The following DNAH8 variants were observed in gnomAD, a reference collection of about 807,000 sequenced individuals.
DNAH8 encodes the protein dynein axonemal heavy chain 8.
A neutral mutation model predicts 562.1 loss-of-function variants in DNAH8; 382 were observed. The observed-to-expected ratio is 0.68, with a 90% CI of 0.63 to 0.74. DNAH8 has a LOEUF of 0.74. DNAH8 is among the 30% of genes least tolerant of loss of function. The pLI is 0.00. For missense variants in DNAH8, 5,203 were observed against 5,620.4 expected (o/e 0.93, Z 2.37); for synonymous variants, 1,881 against 1,919.4 (o/e 0.98, Z 0.52).
At chr6:38,902,466 C>CCTAATTCTG (rs1780141809) in intron 62 of DNAH8, among the ~76,000 whole-genome samples, 2 of 152,166 alleles carry the variant, frequency 1.3e-5, no homozygotes, top group Admixed American at 6.5e-5. Context: ...ACTAGCAAAT[C>CCTAATTCTG]CTAATTCTGC....
At chr6:38,776,673 A>G (rs886201422) in intron 13 of DNAH8, among the ~76,000 whole-genome samples, 1 of 152,216 alleles carries the variant, frequency 6.6e-6, no homozygotes, top group Non-Finnish European at 1.5e-5. Context: ...TTATGCCTGC[A>G]TTCTCTCTGC....
chr6:38,848,744 T>C lies in DNAH8; in HGVS notation c.5142T>C (p.Leu1714=). The part of the protein sequence containing the change: ...IIEEWLVVQN[L]WVYLEAVFVG... ...AAGAGTGGCTCGTAGTACAGAACCT[T>C]TGGGTTTATCTTGAAGCCGTCTTTG... Residue 1714 remains leucine (L), a synonymous_variant, in exon 37 of 93, where the codon CTT becomes CTC. Transcript: ENST00000327475. The C allele has an allele frequency of 6.2e-7, 1 of 1,613,436 alleles. No individual in the cohort carries two copies. The highest frequency in any genetic ancestry group is 8.5e-7 in the Non-Finnish European group (1 of 1,179,546).
intron 29 of DNAH8, among the ~76,000 whole-genome samples, chr6:38,826,687 G>A (rs1773355798): frequency 6.6e-6 from 1 of 152,146 alleles, no homozygotes; most frequent in African/African-American, 2.4e-5. Context: ...AGAAATAATT[G>A]TCCCTTGTCA....
At chr6:38,759,343 C>T (rs1014075063) in intron 10 of DNAH8, among the ~76,000 whole-genome samples, 3 of 145,552 alleles carry the variant, frequency 2.1e-5, no homozygotes, top group African/African-American at 7.8e-5. Context: ...ACAAACAAAC[C>T]ACCACCAACG....
chr6:38,989,127 G>C (rs562796177), intron 87 of DNAH8, among the ~76,000 whole-genome samples: 6 of 152,226 alleles, frequency 3.9e-5, no homozygotes, highest in South Asian at 4.1e-4. Context: ...GGAGGAAGGA[G>C]ATGGAGGGAA....
At chr6:38,955,400 G>A (rs934038498) in intron 82 of DNAH8, among the ~76,000 whole-genome samples, 3 of 152,146 alleles carry the variant, frequency 2.0e-5, no homozygotes, top group Admixed American at 1.3e-4. Context: ...GGAGGCCGAG[G>A]TGGGTGGATC....
At chr6:38,830,584 G>A (rs1055147351) in intron 30 of DNAH8, among the ~76,000 whole-genome samples, 2 of 142,410 alleles carry the variant, frequency 1.4e-5, no homozygotes, top group Middle Eastern at 4.1e-3. Flanking sequence ...CCAGTGAGCC[G>A]AGATCGCGCC....
At chr6:38,716,363 A>G (rs1762346353) in intron 1 of DNAH8, among the ~76,000 whole-genome samples, 1 of 152,068 alleles carries the variant, frequency 6.6e-6, no homozygotes, top group South Asian at 2.1e-4. Flanking sequence ...CCTCTAGCCC[A>G]AAAGTCTCAT....
intron 11 of DNAH8, chr6:38,763,249 C>T (rs554331814): frequency 5.1e-4 from 128 of 251,242 alleles, no homozygotes; most frequent in African/African-American, 2.7e-3. Context: ...GTGTTTTTCC[C>T]ACTATTCGAA....
In DNAH8 at chr6:38,853,282, G is replaced by C; in HGVS notation, c.5668G>C (p.Ala1890Pro). ...MSSLHNIIRS[A>P]FYQISDSGFQ... ...ATCATTACATAATATAATTAGATCC[G>C]CTTTCTATCAAATCAGTGATTCAGG... Residue 1890 changes from alanine to proline, a missense_variant, in exon 41 of 93, where the codon GCT (alanine) becomes CCT (proline). Around this residue, in one of 6 missense-constraint regions of DNAH8, gnomAD observed 2,176 missense variants for 2,365.1 expected, o/e 0.92. Coordinates refer to ENST00000327475, the MANE Select transcript of DNAH8 (RefSeq NM_001206927.2). The C allele has an allele frequency of 6.2e-7, 1 of 1,612,900 alleles. No homozygotes were observed.
At chr6:38,975,793 C>T (rs1235863651) in intron 85 of DNAH8, among the ~76,000 whole-genome samples, 1 of 152,210 alleles carries the variant, frequency 6.6e-6, no homozygotes, top group Non-Finnish European at 1.5e-5. Flanking sequence ...ATTGCTTTAA[C>T]TCTGCTATTT....
chr6:38,845,784 A>G lies in DNAH8; in HGVS notation c.5045+11A>G. 1.3e-6 allele frequency: 2 copies of G among 1,595,954 alleles called. No individual in the cohort carries two copies. Among genetic ancestry groups the G allele is most frequent in the Non-Finnish European group, 1.7e-6 (2 of 1,164,156 alleles). On this transcript the variant is annotated intron_variant, in intron 36 of 92. Transcript: ENST00000327475. ...TTTACTCAGCAACAGGTAATTTTATAATTTGAGAGAGAGATTTAAATGGGA... is the reference window on the plus strand; with the variant it reads ...TTTACTCAGCAACAGGTAATTTTATGATTTGAGAGAGAGATTTAAATGGGA...
chr6:38,775,575 A>G (rs1481916328), intron 12 of DNAH8, among the ~76,000 whole-genome samples, 179 bp from the exon 13 acceptor site: 2 of 152,250 alleles, frequency 1.3e-5, no homozygotes, highest in Non-Finnish European at 2.9e-5. Flanking sequence ...TCTAAGAGTA[A>G]GAATGACGGG....
At position 38,930,841 on chromosome 6, in the gene DNAH8, C is replaced by T. The variant is rs190127200; in HGVS notation, c.11275-970C>T. On this transcript the variant is annotated intron_variant, in intron 75 of 92. Coordinates refer to ENST00000327475, the MANE Select transcript of DNAH8 (RefSeq NM_001206927.2). The stretch of plus-strand genomic sequence containing the variant: ...CACATCCATCACCACACATGCTGTA[C>T]CTTAGATACCTGAAACTTGTTCATC... Among the ~76,000 whole-genome samples, 9 of 152,198 alleles carry T rather than the reference C, an allele frequency of 5.9e-5. No homozygotes were observed. The East Asian group carries it at 1.7e-3, about 29-fold the overall frequency.
intron 53 of DNAH8, among the ~76,000 whole-genome samples, chr6:38,877,934 C>T (rs772413510): frequency 1.3e-5 from 2 of 152,004 alleles, no homozygotes; most frequent in Non-Finnish European, 2.9e-5. Flanking sequence ...TAGTTTATTG[C>T]ATGGATGCAG....
chr6:38,857,139 G>A (rs1471271026), intron 41 of DNAH8, among the ~76,000 whole-genome samples: 3 of 152,184 alleles, frequency 2.0e-5, no homozygotes, highest in Non-Finnish European at 4.4e-5. Flanking sequence ...TTTTAGAAGA[G>A]CAGAGAGACC....
Position 38,921,358 on chromosome 6 carries a change from C to T in DNAH8, c.10525-11C>T, listed in dbSNP as rs141138381. On this transcript the variant is annotated splice_polypyrimidine_tract_variant and intron_variant, in intron 70 of 92. Transcript: ENST00000327475. ...GCAGCTAATACACTAACCACGTCTT[C>T]TTCTTTTCAGGCCAACCTGGCCAAG... The T allele has an allele frequency of 1.3e-4, 208 of 1,611,342 alleles. No individual in the cohort carries two copies. The African/African-American group carries it at 2.6e-3, about 20-fold the overall frequency.
In DNAH8 at chr6:38,781,338, T is replaced by C. The variant is rs766094006; in HGVS notation, c.2224T>C (p.Tyr742His). 8.7e-6 allele frequency: 14 copies of C among 1,613,784 alleles called. No individual in the cohort carries two copies. In the East Asian group the frequency reaches 2.9e-4, roughly 33 times the overall value. ...AAAAATACTCTGGGTGAGGCAGCTCTATCGCCGGATAAGTGAGCCCATCAA... is the reference window on the plus strand; with the variant it reads ...AAAAATACTCTGGGTGAGGCAGCTCCATCGCCGGATAAGTGAGCCCATCAA... The part of the protein sequence containing the change: ...AGKILWVRQL[Y>H]RRISEPINYF... The change falls in exon 16 of 93, where the codon TAT becomes CAT. Residue 742 changes from tyrosine (Y) to histidine (H), a missense_variant. This residue lies in a region of DNAH8 where 2,176 missense variants were observed against 2,365.1 expected (regional missense o/e 0.92). Transcript: ENST00000327475.
intron 48 of DNAH8, among the ~76,000 whole-genome samples, chr6:38,868,534 T>G (rs571810943): frequency 6.6e-6 from 1 of 152,314 alleles, no homozygotes; most frequent in South Asian, 2.1e-4. Context: ...CCATGAGAAC[T>G]TTTTGCTTTC....
Sources: allele counts gnomAD v4.1 joint callset (sites outside exome capture counted in the v4.1 genomes callset), GRCh38; gene constraint gnomAD v4.1.1; regional missense constraint gnomAD v4.1.1; transcripts MANE v1.5; gene names NCBI Gene and HGNC (gene_info 2026-07-23, HGNC 2026-07-21).